The following TMEM94 variants were observed in gnomAD, a reference collection of about 807,000 sequenced individuals.
TMEM94 encodes the protein ER Mg2+ ATPase.
Under a neutral mutation model 158.6 loss-of-function variants are expected in TMEM94, and 81 were observed. The ratio of observed to expected loss-of-function variants is 0.51; its 90% CI spans 0.43 to 0.61. The LOEUF is 0.61. TMEM94 is among the 20% of genes least tolerant of loss of function. The probability of loss-of-function intolerance (pLI) is 0.00; values close to 1 mark genes in which losing one functional copy is unlikely to be tolerated. For missense variants in TMEM94, 1,435 were observed against 1,762.0 expected (o/e 0.81, Z 3.32); for synonymous variants, 751 against 730.7 (o/e 1.03, Z -0.45).
chr17:75,484,247 G>A (rs978269652), intron 2 of TMEM94, among the ~76,000 whole-genome samples: 7 of 152,156 alleles, frequency 4.6e-5, no homozygotes, highest in Non-Finnish European at 8.8e-5. Context: ...TTCATGAAAT[G>A]GTAGTTATAG....
intron 2 of TMEM94, among the ~76,000 whole-genome samples, chr17:75,474,561 A>G (rs777123769): frequency 2.0e-5 from 3 of 152,136 alleles, no homozygotes; most frequent in Non-Finnish European, 2.9e-5. Context: ...GAATCTCTTG[A>G]ACTCGGGAGG....
intron 18 of TMEM94, 64 bp downstream of exon 18, chr17:75,493,980 A>G: frequency 6.6e-7 from 1 of 1,512,680 alleles, no homozygotes; most frequent in African/African-American, 1.4e-5. Flanking sequence ...GAAGCCCAGG[A>G]GCAGGGAGGG....
At position 75,489,573 on chromosome 17, in the gene TMEM94, C is replaced by G; in HGVS notation, c.868-3C>G. On this transcript the variant is annotated splice_region_variant and splice_polypyrimidine_tract_variant and intron_variant, in intron 8 of 31. Coordinates refer to ENST00000314256, the MANE Select transcript of TMEM94 (RefSeq NM_014738.6). The surrounding 1 kb of genome is among the most constrained non-coding windows in gnomAD (Gnocchi z 5.0). The stretch of plus-strand genomic sequence containing the variant: ...AAGGCTGTGCCTCTGCTGTTCCCAA[C>G]AGGCCGGCTTCCTCATCACCAATGC... 1 of 1,613,858 alleles carries G rather than the reference C, an allele frequency of 6.2e-7. No homozygotes were observed. Among genetic ancestry groups the G allele is most frequent in the Non-Finnish European group, 8.5e-7 (1 of 1,179,814 alleles).
chr17:75,460,634 C>A (rs982375138), intron 1 of TMEM94, among the ~76,000 whole-genome samples: 5 of 151,504 alleles, frequency 3.3e-5, no homozygotes, highest in Non-Finnish European at 5.9e-5. Context: ...CCACCTTACC[C>A]CCTGAGTAGC....
chr17:75,494,790 G>A lies in TMEM94; in HGVS notation c.2571G>A (p.Glu857=). The change falls in exon 19 of 32, where the codon GAG becomes GAA. Residue 857 remains glutamate, a synonymous_variant. Transcript: ENST00000314256. ...ACIRFVYFSL[E]DELKSKVFAE... ...TCCGCTTTGTCTACTTCTCTTTGGA[G>A]GATGAGCTCAAAAGCAAGGTGGGGA... 1 of 1,613,636 alleles carries A rather than the reference G, an allele frequency of 6.2e-7. No individual in the cohort carries two copies. The highest frequency in any genetic ancestry group is 8.5e-7 in the Non-Finnish European group (1 of 1,180,014).
At chr17:75,494,562 T>G in intron 18 of TMEM94, 65 bp from the exon 19 acceptor site, 1 of 1,528,930 alleles carries the variant, frequency 6.5e-7, no homozygotes, top group Non-Finnish European at 8.9e-7. Flanking sequence ...GGCATCTGTG[T>G]GTGTGGCCCT....
At chr17:75,484,861 A>C (rs1384064548) in intron 2 of TMEM94, among the ~76,000 whole-genome samples, 2 of 151,848 alleles carry the variant, frequency 1.3e-5, no homozygotes, top group African/African-American at 4.8e-5. Context: ...ACATGATGAA[A>C]CCTCGTCTCC....
At chr17:75,468,789 CT>C (rs1343358140) in intron 1 of TMEM94, among the ~76,000 whole-genome samples, 5 of 152,112 alleles carry the variant, frequency 3.3e-5, no homozygotes, top group African/African-American at 1.2e-4. Context: ...CCGGACACAG[CT>C]TTTATTATTT....
Position 75,489,495 on chromosome 17 carries a change from G to A in TMEM94, c.868-81G>A. 6.7e-7 allele frequency: 1 copy of A among 1,492,878 alleles called. No homozygotes were observed. Among genetic ancestry groups the A allele is most frequent in the Non-Finnish European group, 9.3e-7 (1 of 1,070,248 alleles). The allele number at this position is 1,492,878 out of a possible 1,614,324, so 92.5% of individuals were successfully genotyped here. ...GTCCCAGAGTGAGCCAGCCTGTGGA[G>A]TAGCAAAGGAAGGGGAACGGCAGTG... On this transcript the variant is annotated intron_variant, in intron 8 of 31. Transcript: ENST00000314256. The surrounding 1 kb of genome is among the most constrained non-coding windows in gnomAD (Gnocchi z 5.0).
rs2052131009 is a variant in TMEM94 at position 75,491,049 on chromosome 17, G to A, written c.1129G>A (p.Glu377Lys). 2 of 1,605,354 alleles carry A rather than the reference G, an allele frequency of 1.2e-6. No individual in the cohort carries two copies. The highest frequency in any genetic ancestry group is 1.7e-6 in the Non-Finnish European group (2 of 1,175,738). Residue 377 changes from glutamate to lysine, a missense_variant and splice_region_variant, in exon 12 of 32, where the codon GAA becomes AAA. Transcript: ENST00000314256. This position sits in a 1 kb window ranked among gnomAD's most constrained non-coding sequence, Gnocchi z 5.1. Reference protein sequence around the residue: ...SSYTEAVSSQEMLRCIWGHFL... With the variant: ...SSYTEAVSSQKMLRCIWGHFL... The stretch of plus-strand genomic sequence containing the variant: ...TTGCAGACTTCCTCTCTCCCACCAG[G>A]AAATGCTGCGCTGCATTTGGGGCCA...
In TMEM94 at chr17:75,493,483, T is replaced by G. The variant is rs2052400457; in HGVS notation, c.2087-8T>G. 1 of 1,613,472 alleles carries G rather than the reference T, an allele frequency of 6.2e-7. No individual in the cohort carries two copies. Among genetic ancestry groups the G allele is most frequent in the Admixed American group, 1.7e-5 (1 of 60,018 alleles). ...AGCGACACTCAGGGTTTGAACTCTC[T>G]CCCCCAGGCACAGAGCAGATGCTGT... On this transcript the variant is annotated splice_polypyrimidine_tract_variant and splice_region_variant and intron_variant, in intron 16 of 31. Coordinates refer to ENST00000314256, the MANE Select transcript of TMEM94 (RefSeq NM_014738.6).
At position 75,495,644 on chromosome 17, in the gene TMEM94, G is replaced by A. The variant is rs1047409422; in HGVS notation, c.2944+1G>A. 4 of 1,613,090 alleles carry A rather than the reference G, an allele frequency of 2.5e-6. No individual in the cohort carries two copies. Among genetic ancestry groups the A allele is most frequent in the Non-Finnish European group, 1.7e-6 (2 of 1,179,822 alleles). On this transcript the variant is annotated splice_donor_variant, in intron 22 of 31. Transcript: ENST00000314256. LOFTEE classifies it high-confidence loss of function. This position sits in a 1 kb window ranked among gnomAD's most constrained non-coding sequence, Gnocchi z 5.6. ...CTTTTCACCGACTGCACCCCAGAGA[G>A]TGAGTGCTGTGGCCATGGGTACTTG...
At chr17:75,479,539 C>T (rs1177315130) in intron 2 of TMEM94, among the ~76,000 whole-genome samples, 1 of 151,840 alleles carries the variant, frequency 6.6e-6, no homozygotes, top group African/African-American at 2.4e-5. Flanking sequence ...AGGCTGGTCT[C>T]GAACTCCTCA....
In TMEM94 at chr17:75,488,014, C is replaced by T. The variant is rs867272548; in HGVS notation, c.492C>T (p.Ser164=). The T allele has an allele frequency of 1.2e-6, 2 of 1,614,198 alleles. No homozygotes were observed. The highest frequency in any genetic ancestry group is 1.7e-6 in the Non-Finnish European group (2 of 1,180,034). The change falls in exon 6 of 32, where the codon TCC becomes TCT. Residue 164 remains serine (S), a synonymous_variant. Coordinates refer to ENST00000314256, the MANE Select transcript of TMEM94 (RefSeq NM_014738.6). ...ACATGCCTTTTGCGCCATCCTGGTC[C>T]TTGCACTGGGCCTACAGAGACGGAC... is the stretch of plus-strand genomic sequence containing the variant. ...DLHMPFAPSW[S]LHWAYRDGHL...
At chr17:75,467,249 A>G (rs907797679) in intron 1 of TMEM94, among the ~76,000 whole-genome samples, 11 of 152,072 alleles carry the variant, frequency 7.2e-5, no homozygotes, top group African/African-American at 2.7e-4. Context: ...TGCTGGGGTT[A>G]CAGGTGTGAG....
At chr17:75,480,294 C>T (rs1406935181) in intron 2 of TMEM94, among the ~76,000 whole-genome samples, 3 of 152,212 alleles carry the variant, frequency 2.0e-5, no homozygotes, top group Non-Finnish European at 2.9e-5. Context: ...TTGGGCAGCA[C>T]GTAATTACAG....
chr17:75,490,935 A>G, intron 11 of TMEM94, 114 bp from the exon 12 acceptor site: 3 of 964,748 alleles, frequency 3.1e-6, no homozygotes, highest in Non-Finnish European at 4.8e-6. Context: ...GTCCCAGAGA[A>G]GTGCCTCTCC....
chr17:75,458,629 T>G (rs1238272810), intron 1 of TMEM94, among the ~76,000 whole-genome samples: 1 of 150,304 alleles, frequency 6.7e-6, no homozygotes, highest in Non-Finnish European at 1.5e-5. Context: ...AGGTCGACGC[T>G]GCAGTGAGCT....
In TMEM94 at chr17:75,495,911, TG is replaced by T. The variant is rs1598432526; in HGVS notation, c.2945-54del. Reference sequence around the variant, plus strand: ...TCCTGTCCCATGGGTCTCTGCCCAGTGCCCACTTGGTGCTCTGCCTGCCTGA... The same window carrying T: ...TCCTGTCCCATGGGTCTCTGCCCAGTCCCACTTGGTGCTCTGCCTGCCTGA... On this transcript the variant is annotated intron_variant, in intron 22 of 31. Coordinates refer to ENST00000314256, the MANE Select transcript of TMEM94 (RefSeq NM_014738.6). The surrounding 1 kb of genome is among the most constrained non-coding windows in gnomAD (Gnocchi z 5.6). 42 of 1,301,794 alleles carry T rather than the reference TG, an allele frequency of 3.2e-5. No homozygotes were observed. In the East Asian group the frequency reaches 1.0e-3, roughly 31 times the overall value. The allele number at this position is 1,301,794 out of a possible 1,614,324, so 80.6% of individuals were successfully genotyped here.
Sources: allele counts gnomAD v4.1 joint callset (sites outside exome capture counted in the v4.1 genomes callset), GRCh38; gene constraint gnomAD v4.1.1; non-coding constraint Gnocchi (gnomAD v3.1); transcripts MANE v1.5; gene names NCBI Gene and HGNC (gene_info 2026-07-23, HGNC 2026-07-21).